Variants in KLHL22 observed in about 807,000 individuals in gnomAD.
The protein encoded by KLHL22 is kelch-like protein 22.
KLHL22 carries 18 observed loss-of-function variants against 60.7 expected under a neutral mutation model. The observed-to-expected ratio is 0.30, with a 90% confidence interval of 0.20 to 0.44. The LOEUF (loss-of-function observed/expected upper bound fraction) is 0.44, where lower values mean the gene tolerates loss of function less well. Among genes scored for constraint, KLHL22 ranks in the 20% least tolerant of loss-of-function variants. The probability of loss-of-function intolerance (pLI) is 1.00; values close to 1 mark genes in which losing one functional copy is unlikely to be tolerated. For missense variants in KLHL22, 596 were observed against 852.3 expected, an observed-to-expected ratio of 0.70 and a Z score of 3.74; for synonymous variants, 355 against 354.5, an observed-to-expected ratio of 1.00 and a Z score of -0.01.
At chr22:20,480,823 C>T (rs1242165508) in intron 2 of KLHL22, among the ~76,000 whole-genome samples, 1 of 147,178 alleles carries the variant, frequency 6.8e-6, no homozygotes, top group Non-Finnish European at 1.5e-5. Context: ...GAGTTTACGC[C>T]AAACTTTTTT....
chr22:20,473,344 C>T (rs1381783597), intron 2 of KLHL22, among the ~76,000 whole-genome samples: 4 of 151,974 alleles, frequency 2.6e-5, no homozygotes, highest in Admixed American at 2.6e-4. Flanking sequence ...CGAAGAGGAC[C>T]CTTTACTGAT....
chr22:20,471,763 T>C (rs931052162), intron 2 of KLHL22, among the ~76,000 whole-genome samples: 4 of 152,190 alleles, frequency 2.6e-5, no homozygotes, highest in Admixed American at 1.3e-4. Context: ...AGGAGTCCCA[T>C]GTGAGCTTCG....
At chr22:20,466,661 TTTTTTC>T (rs1166303989) in intron 3 of KLHL22, among the ~76,000 whole-genome samples, 1 of 152,194 alleles carries the variant, frequency 6.6e-6, no homozygotes, top group Non-Finnish European at 1.5e-5. Flanking sequence ...ATTATTTTTC[TTTTTTC>T]TTTTTAAAAT....
intron 3 of KLHL22, 67 bp downstream of exon 3, chr22:20,471,283 C>T: frequency 2.0e-6 from 3 of 1,481,972 alleles, no homozygotes; most frequent in Admixed American, 1.8e-5. Flanking sequence ...GCCCGGCAGG[C>T]ATCATGGGCA....
intron 6 of KLHL22, among the ~76,000 whole-genome samples, chr22:20,443,503 G>A (rs741435): frequency 0.065 from 9,852 of 152,172 alleles, 807 homozygotes; most frequent in East Asian, 0.46. Flanking sequence ...CACTTTGGGA[G>A]GCCAAGGCGG....
At chr22:20,475,580 A>G (rs186241550) in intron 2 of KLHL22, among the ~76,000 whole-genome samples, 156 of 145,862 alleles carry the variant, frequency 1.1e-3, no homozygotes, top group South Asian at 7.6e-3. Context: ...TTTTTTTTTT[A>G]AGACGAAGTC....
In KLHL22 at chr22:20,446,516, G is replaced by C. The variant is rs1354701537; in HGVS notation, c.1466C>G (p.Ala489Gly). The C allele has an allele frequency of 6.2e-7, 1 of 1,613,202 alleles. No individual in the cohort carries two copies. Among genetic ancestry groups the C allele is most frequent in the African/African-American group, 1.3e-5 (1 of 74,916 alleles). The change falls in exon 6 of 7, where the codon GCA becomes GGA. Residue 489 changes from alanine to glycine, a missense_variant. Ala to Gly is a moderately conservative substitution (Grantham distance 60). Transcript: ENST00000328879. ...CACATACAGCTTGTTGAGGAGGGTT[G>C]CCATGCCGTGCCAGGCGCGCCGCAC... The part of the protein sequence containing the change: ...GPVRRAWHGM[A>G]TLLNKLYVIG...
chr22:20,491,420 C>T (rs1397607071), intron 1 of KLHL22: 1 of 152,186 alleles, frequency 6.6e-6, no homozygotes, highest in African/African-American at 2.4e-5. Flanking sequence ...TTCCTGTCAC[C>T]AGCCCCCATC....
chr22:20,486,504 G>A (rs2053589136), intron 2 of KLHL22, among the ~76,000 whole-genome samples: 1 of 151,930 alleles, frequency 6.6e-6, no homozygotes, highest in South Asian at 2.1e-4. Flanking sequence ...CTAAACTATG[G>A]GCCAGCCCAC....
intron 2 of KLHL22, among the ~76,000 whole-genome samples, chr22:20,482,383 GA>G (rs1455328584): frequency 6.6e-6 from 1 of 151,940 alleles, no homozygotes; most frequent in Non-Finnish European, 1.5e-5. Context: ...TCCCTAGCAT[GA>G]AACCAATTTT....
rs1036448553 is a variant in KLHL22 at position 20,442,499 on chromosome 22, C to A, written c.1540-61G>T. 33 of 1,502,308 alleles carry A rather than the reference C, an allele frequency of 2.2e-5. No homozygotes were observed. In the Admixed American group the frequency reaches 2.4e-4, roughly 11 times the overall value. The allele number at this position is 1,502,308 out of a possible 1,614,324, so 93.1% of individuals were successfully genotyped here. On this transcript the variant is annotated intron_variant, in intron 6 of 6. Coordinates refer to ENST00000328879, the MANE Select transcript of KLHL22 (RefSeq NM_032775.4). ...ACTGGGACGAGGCTGCCAGCTCCCC[C>A]ACAAGCCCACTGACCAAGGTGGCAA...
intron 2 of KLHL22, among the ~76,000 whole-genome samples, chr22:20,474,188 A>T (rs1041528556): frequency 5.9e-5 from 9 of 151,714 alleles, no homozygotes; most frequent in African/African-American, 2.2e-4. Flanking sequence ...TTTAGTAGAG[A>T]CCGGGTTTCA....
At chr22:20,479,232 C>T (rs1458166982) in intron 2 of KLHL22, among the ~76,000 whole-genome samples, 1 of 151,754 alleles carries the variant, frequency 6.6e-6, no homozygotes, top group East Asian at 2.0e-4. Context: ...AGGCATGCAC[C>T]ATCATGCCTG....
chr22:20,481,596 A>T (rs1258430556), intron 2 of KLHL22, among the ~76,000 whole-genome samples: 2 of 152,068 alleles, frequency 1.3e-5, no homozygotes, highest in African/African-American at 4.8e-5. Flanking sequence ...ATTAAAAAAA[A>T]ATTTTTTTTT....
intron 4 of KLHL22, among the ~76,000 whole-genome samples, chr22:20,463,992 C>T (rs73384261): frequency 0.035 from 5,396 of 152,262 alleles, 315 homozygotes; most frequent in African/African-American, 0.12. Context: ...TTGGCAATCT[C>T]TCTCTCTCCA....
At chr22:20,464,549 CCT>C (rs1261800986) in intron 4 of KLHL22, among the ~76,000 whole-genome samples, 1 of 152,172 alleles carries the variant, frequency 6.6e-6, no homozygotes, top group African/African-American at 2.4e-5. Flanking sequence ...GCTGTGGGCT[CCT>C]CTCCCCTCCC....
At chr22:20,474,654 A>G (rs2053381329) in intron 2 of KLHL22, among the ~76,000 whole-genome samples, 1 of 152,130 alleles carries the variant, frequency 6.6e-6, no homozygotes, top group African/African-American at 2.4e-5. Flanking sequence ...AGCCTCCCAC[A>G]GTGCTGGGAT....
chr22:20,441,980 C>A lies in KLHL22; in HGVS notation c.*93G>T. ...GCTGTGGCCAACAGGGGCAGGGGCC[C>A]TGCCTGGAGTAAAGTGCTCTGGCCT... is the stretch of plus-strand genomic sequence containing the variant. On this transcript the variant is annotated 3_prime_UTR_variant, in exon 7 of 7. Coordinates refer to ENST00000328879, the MANE Select transcript of KLHL22 (RefSeq NM_032775.4). 7.5e-7 allele frequency: 1 copy of A among 1,332,174 alleles called. No individual in the cohort carries two copies. Among genetic ancestry groups the A allele is most frequent in the South Asian group, 1.8e-5 (1 of 55,164 alleles). The allele number at this position is 1,332,174 out of a possible 1,614,324, so 82.5% of individuals were successfully genotyped here. A position where few individuals can be genotyped will look rare whatever the true frequency, so the allele number is the denominator to read the frequency against.
At chr22:20,493,916 A>G (rs2053728148) in intron 1 of KLHL22, among the ~76,000 whole-genome samples, 2 of 152,030 alleles carry the variant, frequency 1.3e-5, no homozygotes, top group Admixed American at 6.5e-5. Flanking sequence ...TACAAAAATT[A>G]GTGGGGCGTG....
Sources: gnomAD v4.1 joint callset for allele counts (sites outside exome capture counted in the v4.1 genomes callset) on GRCh38, gnomAD v4.1.1 for gene constraint, MANE v1.5 for transcripts, NCBI Gene and HGNC (gene_info 2026-07-23, HGNC 2026-07-21) for gene names.